COL15A1: variants seen among roughly 807,000 people sequenced by gnomAD.
The protein encoded by COL15A1 is collagen type XV alpha 1 chain.
Under a neutral mutation model 165.9 loss-of-function variants are expected in COL15A1, and 111 were observed. That is an observed-to-expected ratio of 0.67 (90% CI 0.57 to 0.78). The LOEUF (loss-of-function observed/expected upper bound fraction) is 0.78. COL15A1 is among the 30% of genes least tolerant of loss of function. The probability of loss-of-function intolerance (pLI) is 0.00; values close to 1 mark genes in which losing one functional copy is unlikely to be tolerated. For missense variants in COL15A1, 1,745 were observed against 1,789.7 expected (o/e 0.98, Z 0.45); for synonymous variants, 659 against 674.8 (o/e 0.98, Z 0.36).
chr9:99,026,026 C>CTT, intron 16 of COL15A1, 60 bp downstream of exon 16: 2 of 1,499,796 alleles, frequency 1.3e-6, no homozygotes, highest in Non-Finnish European at 1.8e-6. Context: ...ACTACTCTCT[C>CTT]TGACCCCTAA....
intron 36 of COL15A1, among the ~76,000 whole-genome samples, chr9:99,061,353 A>G (rs1433408022): frequency 1.3e-5 from 2 of 152,260 alleles, no homozygotes; most frequent in Non-Finnish European, 2.9e-5. Context: ...GCTATTCAAT[A>G]GATTTTTGTA....
chr9:99,059,493 T>G (rs1471950001), intron 35 of COL15A1, among the ~76,000 whole-genome samples: 1 of 152,242 alleles, frequency 6.6e-6, no homozygotes, highest in Non-Finnish European at 1.5e-5. Context: ...TTCCTCTTTC[T>G]GAGCCTGCTT....
intron 4 of COL15A1, among the ~76,000 whole-genome samples, chr9:98,988,496 G>A (rs747639537): frequency 2.0e-5 from 3 of 152,202 alleles, no homozygotes; most frequent in South Asian, 2.1e-4. Flanking sequence ...TGTTCCCAGC[G>A]CAAGATTCCA....
chr9:99,035,874 G>A (rs193082141), intron 19 of COL15A1, among the ~76,000 whole-genome samples: 143 of 152,230 alleles, frequency 9.4e-4, no homozygotes, highest in Non-Finnish European at 1.7e-3. Context: ...CAGGAGGACC[G>A]ATCCCCTGGA....
intron 2 of COL15A1, among the ~76,000 whole-genome samples, chr9:98,945,750 T>G (rs748658646): frequency 6.6e-6 from 1 of 152,218 alleles, no homozygotes; most frequent in Non-Finnish European, 1.5e-5. Flanking sequence ...ATTTTGCATA[T>G]GATATAGGGC....
intron 8 of COL15A1, among the ~76,000 whole-genome samples, chr9:99,003,883 G>A (rs1359228258): frequency 6.6e-6 from 1 of 152,224 alleles, no homozygotes; most frequent in African/African-American, 2.4e-5. Context: ...TGAAGCACAG[G>A]ATGCCCTGGG....
rs141708640 is a variant in COL15A1 at position 98,985,737 on chromosome 9, C to T, written c.273C>T (p.Phe91=). The T allele has an allele frequency of 7.9e-5, 127 of 1,614,202 alleles. No homozygotes were observed. The African/African-American group carries it at 1.5e-3, about 19-fold the overall frequency. Residue 91 remains phenylalanine, a synonymous_variant, in exon 3 of 42, where the codon TTC becomes TTT. Transcript: ENST00000375001. Reference sequence around the variant, plus strand: ...TCCCATCCACCTTCTTCAGGGACTTCGCCATCAGCGTCGTGGTGAAGCCCA... The same window carrying T: ...TCCCATCCACCTTCTTCAGGGACTTTGCCATCAGCGTCGTGGTGAAGCCCA... ...TLIPSTFFRD[F]AISVVVKPSS...
chr9:98,946,557 G>A (rs1310644568), intron 2 of COL15A1, among the ~76,000 whole-genome samples: 1 of 152,194 alleles, frequency 6.6e-6, no homozygotes, highest in African/African-American at 2.4e-5. Flanking sequence ...TTACAGAGGG[G>A]ATGTGACTTC....
chr9:98,968,247 A>G (rs1404560914), intron 2 of COL15A1, among the ~76,000 whole-genome samples: 1 of 152,262 alleles, frequency 6.6e-6, no homozygotes, highest in African/African-American at 2.4e-5. Flanking sequence ...CACAGCACAC[A>G]GTAAGTAAGC....
chr9:99,016,125 T>C lies in COL15A1; in HGVS notation c.1647+6T>C, dbSNP rs750671859. 1.2e-6 allele frequency: 2 copies of C among 1,605,676 alleles called. No individual in the cohort carries two copies. Among genetic ancestry groups the C allele is most frequent in the Non-Finnish European group, 1.7e-6 (2 of 1,175,960 alleles). On this transcript the variant is annotated splice_donor_region_variant and intron_variant, in intron 11 of 41. Transcript: ENST00000375001. Reference sequence around the variant, plus strand: ...CTGAAAGATGGATCACTCCAGTAAGTGGCATAGAGCTGTAAGATTTGACTT... The same window carrying C: ...CTGAAAGATGGATCACTCCAGTAAGCGGCATAGAGCTGTAAGATTTGACTT...
chr9:98,990,317 C>G (rs906707637), intron 5 of COL15A1, among the ~76,000 whole-genome samples: 28 of 152,312 alleles, frequency 1.8e-4, no homozygotes, highest in African/African-American at 6.5e-4. Context: ...TGATGCCCAT[C>G]CATGGGGTCA....
At chr9:99,019,031 C>A (rs951046214) in intron 11 of COL15A1, among the ~76,000 whole-genome samples, 1 of 152,038 alleles carries the variant, frequency 6.6e-6, no homozygotes, top group Non-Finnish European at 1.5e-5. Context: ...GAGAGAGAAA[C>A]GGAGACATGG....
chr9:99,044,734 G>A lies in COL15A1; in HGVS notation c.2644-1G>A, dbSNP rs2119084516. On this transcript the variant is annotated splice_acceptor_variant, in intron 25 of 41. Transcript: ENST00000375001. LOFTEE classifies it high-confidence loss of function. ...GACAAGTATATATCTTCCTGTTTTAGGGTGAACCTGGAATGCATGGAGCCC... is the reference window on the plus strand; with the variant it reads ...GACAAGTATATATCTTCCTGTTTTAAGGTGAACCTGGAATGCATGGAGCCC... 6.2e-7 allele frequency: 1 copy of A among 1,613,892 alleles called. No individual in the cohort carries two copies.
chr9:99,044,502 CA>C, intron 24 of COL15A1, 65 bp from the exon 25 acceptor site: 3 of 1,491,580 alleles, frequency 2.0e-6, no homozygotes, highest in Non-Finnish European at 2.8e-6. Flanking sequence ...AGTCTCTGTA[CA>C]AAACTCTCTG....
chr9:99,063,436 G>A (rs555450323), intron 39 of COL15A1, among the ~76,000 whole-genome samples: 1 of 152,288 alleles, frequency 6.6e-6, no homozygotes, highest in Admixed American at 6.5e-5. Context: ...GGGAAGGGCT[G>A]TGCATTCCTG....
chr9:99,020,947 C>T (rs933941900), intron 12 of COL15A1, among the ~76,000 whole-genome samples: 13 of 152,218 alleles, frequency 8.5e-5, no homozygotes, highest in African/African-American at 3.1e-4. Context: ...GATGATGACC[C>T]TGCGGTGTGG....
intron 4 of COL15A1, 32 bp from the exon 5 acceptor site, chr9:98,989,146 C>G: frequency 6.3e-7 from 1 of 1,584,296 alleles, no homozygotes; most frequent in East Asian, 2.2e-5. Context: ...GCCCGCTCTG[C>G]CCGGTGTGTG....
intron 40 of COL15A1, among the ~76,000 whole-genome samples, chr9:99,067,821 C>G (rs745593304): frequency 6.6e-6 from 1 of 152,320 alleles, no homozygotes; most frequent in South Asian, 2.1e-4. Context: ...TTGGATCTCT[C>G]TACAAGGGAC....
chr9:99,061,880 T>C, intron 36 of COL15A1, 91 bp from the exon 37 acceptor site: 1 of 1,408,210 alleles, frequency 7.1e-7, no homozygotes, highest in South Asian at 1.4e-5. Flanking sequence ...TGGGGACGGC[T>C]CCTAGTTGAC....
Sources: gnomAD v4.1 joint callset for allele counts (sites outside exome capture counted in the v4.1 genomes callset) on GRCh38, gnomAD v4.1.1 for gene constraint, MANE v1.5 for transcripts, NCBI Gene and HGNC (gene_info 2026-07-23, HGNC 2026-07-21) for gene names.